The following NHSL1 variants were observed in gnomAD, a reference collection of about 807,000 sequenced individuals.
NHSL1 encodes NHS like 1.
Under a neutral mutation model 95.0 loss-of-function variants are expected in NHSL1, and 48 were observed. The observed-to-expected ratio is 0.51, with a 90% confidence interval of 0.40 to 0.64. NHSL1 has a LOEUF of 0.64. Among genes scored for constraint, NHSL1 ranks in the 30% least tolerant of loss-of-function variants. NHSL1 has a pLI of 0.00. For synonymous variants in NHSL1, 783 were observed against 833.9 expected (o/e 0.94, Z 1.05); for missense variants, 1,971 against 2,077.7 (o/e 0.95, Z 1.00).
upstream of NHSL1, among the ~76,000 whole-genome samples, chr6:138,576,720 G>A (rs1216427006): frequency 1.3e-5 from 2 of 152,330 alleles, no homozygotes; most frequent in African/African-American, 4.8e-5. Context: ...TCCTTCACCA[G>A]CGGGACGGAA....
At chr6:138,607,434 A>T (rs1331609455) in intron 1 of NHSL1, among the ~76,000 whole-genome samples, 1 of 152,230 alleles carries the variant, frequency 6.6e-6, no homozygotes, top group Admixed American at 6.5e-5. Flanking sequence ...TGGTTCATAA[A>T]CAAAAAAAGC....
intron 1 of NHSL1, among the ~76,000 whole-genome samples, chr6:138,561,318 G>A (rs1458757045): frequency 1.2e-4 from 18 of 152,142 alleles, no homozygotes; most frequent in Admixed American, 1.2e-3. Flanking sequence ...CGGGTGCGGG[G>A]CATGGAACCG....
chr6:138,605,363 C>A (rs1052255557), intron 1 of NHSL1, among the ~76,000 whole-genome samples: 2 of 152,198 alleles, frequency 1.3e-5, no homozygotes, highest in Non-Finnish European at 2.9e-5. Flanking sequence ...GTGGCCAGGA[C>A]AACAGGCGTG....
In NHSL1 at chr6:138,431,258, T is replaced by C. The variant is rs1390209676; in HGVS notation, c.3087A>G (p.Lys1029=). 1 of 1,509,720 alleles carries C rather than the reference T, an allele frequency of 6.6e-7. No individual in the cohort carries two copies. The highest frequency in any genetic ancestry group is 2.1e-5 in the Admixed American group (1 of 46,858). The allele number at this position is 1,509,720 out of a possible 1,614,324, so 93.5% of individuals were successfully genotyped here. Residue 1029 remains lysine, a synonymous_variant, in exon 6 of 8, where the codon AAA becomes AAG. Transcript: ENST00000343505. This position sits in a 1 kb window ranked among gnomAD's most constrained non-coding sequence, Gnocchi z 4.0. ...AAGGCGGCCTGGTGTCTTTCATGAA[T>C]TTGGGGTCAAGAGGTGGGGCAGGTG... The part of the protein sequence containing the change: ...EPPPAPPLDP[K]FMKDTRPPFT...
chr6:138,633,340 G>A (rs1410310437), intron 1 of NHSL1, among the ~76,000 whole-genome samples: 2 of 152,144 alleles, frequency 1.3e-5, no homozygotes, highest in African/African-American at 4.8e-5. Flanking sequence ...CCAAGTACAA[G>A]AAGGTTATAT....
intron 1 of NHSL1, among the ~76,000 whole-genome samples, chr6:138,683,629 T>G (rs1053823318): frequency 6.6e-6 from 1 of 152,204 alleles, no homozygotes; most frequent in African/African-American, 2.4e-5. Context: ...CCTGGCCTCA[T>G]CTGAGTATGG....
intron 1 of NHSL1, among the ~76,000 whole-genome samples, chr6:138,555,740 C>G (rs141297944): frequency 1.3e-5 from 2 of 152,212 alleles, no homozygotes; most frequent in Non-Finnish European, 2.9e-5. Flanking sequence ...GTGACTCAGA[C>G]GCTTCCAAAA....
rs905986167 is a variant in NHSL1, at chr6:138,650,932, G to C, written c.96+41544C>G. The C allele has an allele frequency of 7.3e-5, 39 of 537,278 alleles. No individual in the cohort carries two copies. The African/African-American group carries it at 7.5e-4, about 10-fold the overall frequency. The allele number at this position is 537,278 out of a possible 1,614,324, so 33.3% of individuals were successfully genotyped here. On this transcript the variant is annotated intron_variant, in intron 1 of 3. Coordinates refer to the NHSL1 transcript ENST00000491526. ...CCACTTGCACAATGTATTTGGCATA[G>C]GTGAAGAAGCTTGGCAGATAGAGGA... is the stretch of plus-strand genomic sequence containing the variant.
intron 1 of NHSL1, among the ~76,000 whole-genome samples, chr6:138,527,090 C>A (rs1275637501): frequency 6.6e-6 from 1 of 152,128 alleles, no homozygotes; most frequent in East Asian, 1.9e-4. Flanking sequence ...GCAAACTGAG[C>A]CAGCTGTGTA....
intron 1 of NHSL1, among the ~76,000 whole-genome samples, chr6:138,606,431 A>G (rs750362818): frequency 3.9e-5 from 6 of 152,264 alleles, no homozygotes; most frequent in Non-Finnish European, 5.9e-5. Context: ...TTACAGAATC[A>G]GCAGCAGCTT....
chr6:138,662,594 C>G (rs1349139104), intron 1 of NHSL1, among the ~76,000 whole-genome samples: 2 of 152,178 alleles, frequency 1.3e-5, no homozygotes, highest in African/African-American at 4.8e-5. Context: ...TGACTTGCCT[C>G]CTCCTGTGTT....
At chr6:138,557,060 G>GA (rs2128337252) in intron 1 of NHSL1, among the ~76,000 whole-genome samples, 1 of 152,310 alleles carries the variant, frequency 6.6e-6, no homozygotes, top group African/African-American at 2.4e-5. Flanking sequence ...AATCCTCCTT[G>GA]AAAACTCGGA....
intron 1 of NHSL1, among the ~76,000 whole-genome samples, chr6:138,586,310 G>C (rs1784135150): frequency 6.6e-6 from 1 of 152,056 alleles, no homozygotes; most frequent in Non-Finnish European, 1.5e-5. Context: ...GACCAGTCTG[G>C]TCTCGAACTC....
chr6:138,619,248 G>T (rs1784621615), intron 1 of NHSL1, among the ~76,000 whole-genome samples: 2 of 152,076 alleles, frequency 1.3e-5, no homozygotes, highest in Admixed American at 1.3e-4. Context: ...TGAGGCAGGG[G>T]AATTGCTTGA....
chr6:138,671,906 AGAG>A (rs1385282468), intron 1 of NHSL1, among the ~76,000 whole-genome samples: 2 of 152,146 alleles, frequency 1.3e-5, no homozygotes, highest in Non-Finnish European at 2.9e-5. Flanking sequence ...AAGCAATGAA[AGAG>A]GATAGGGAAG....
chr6:138,485,737 A>T (rs751872751), intron 2 of NHSL1, among the ~76,000 whole-genome samples: 11 of 152,154 alleles, frequency 7.2e-5, no homozygotes, highest in Non-Finnish European at 1.6e-4. Flanking sequence ...TCTTTTTCTC[A>T]ATAGGGCATT....
At chr6:138,596,041 C>A (rs1784299254) in intron 1 of NHSL1, among the ~76,000 whole-genome samples, 2 of 152,070 alleles carry the variant, frequency 1.3e-5, no homozygotes, top group Non-Finnish European at 2.9e-5. Context: ...CAAAAAATAT[C>A]CAGGATGAAA....
intron 1 of NHSL1, among the ~76,000 whole-genome samples, chr6:138,557,626 G>A (rs1220632276): frequency 6.6e-6 from 1 of 152,226 alleles, no homozygotes; most frequent in Non-Finnish European, 1.5e-5. Context: ...CAGGTCCAAT[G>A]ACTAGTCACA....
At position 138,432,075 on chromosome 6, in the gene NHSL1, T is replaced by C. The variant is rs1466745895; in HGVS notation, c.2270A>G (p.Tyr757Cys). 1 of 1,551,450 alleles carries C rather than the reference T, an allele frequency of 6.4e-7. No homozygotes were observed. Among genetic ancestry groups the C allele is most frequent in the Admixed American group, 2.0e-5 (1 of 50,992 alleles). Reference sequence around the variant, plus strand: ...CGATGGCGTGGCCCCGCACAGGGAGTAGACATTGGGGGTGGTGGCGGAAGT... The same window carrying C: ...CGATGGCGTGGCCCCGCACAGGGAGCAGACATTGGGGGTGGTGGCGGAAGT... ...SMTSATTPNV[Y>C]SLCGATPSQS... Residue 757 changes from tyrosine (Y) to cysteine (C), a missense_variant, in exon 6 of 8, where the codon TAC (tyrosine) becomes TGC (cysteine). Tyr to Cys is a radical substitution (Grantham distance 194). Coordinates refer to ENST00000343505, the MANE Select transcript of NHSL1 (RefSeq NM_001144060.2). This position sits in a 1 kb window ranked among gnomAD's most constrained non-coding sequence, Gnocchi z 4.4.
Sources: allele counts gnomAD v4.1 joint callset (sites outside exome capture counted in the v4.1 genomes callset), GRCh38; gene constraint gnomAD v4.1.1; non-coding constraint Gnocchi (gnomAD v3.1); transcripts MANE v1.5; gene names NCBI Gene and HGNC (gene_info 2026-07-23, HGNC 2026-07-21).